The following FAM222B variants were observed in gnomAD, a reference collection of about 807,000 sequenced individuals.
FAM222B encodes the protein protein FAM222B.
Under a neutral mutation model 38.0 loss-of-function variants are expected in FAM222B, and 12 were observed. That is an observed-to-expected ratio of 0.32 (90% confidence interval 0.20 to 0.51). The LOEUF (loss-of-function observed/expected upper bound fraction) is 0.51. Ranked by LOEUF, FAM222B falls within the 20% of genes least tolerant of loss-of-function variation. The pLI, the probability that FAM222B is intolerant of heterozygous loss-of-function variation, is 0.97. For missense variants in FAM222B, 716 were observed against 754.2 expected (o/e 0.95, Z 0.59); for synonymous variants, 329 against 317.2 (o/e 1.04, Z -0.40).
intron 1 of FAM222B, among the ~76,000 whole-genome samples, chr17:28,776,079 A>C (rs2035881818): frequency 6.7e-6 from 1 of 148,324 alleles, no homozygotes; most frequent in African/African-American, 2.6e-5. Flanking sequence ...TTGTCTCAAA[A>C]AAAAAAAAAG....
At chr17:28,840,359 CTG>C (rs1471366322) in intron 1 of FAM222B, among the ~76,000 whole-genome samples, 3 of 152,106 alleles carry the variant, frequency 2.0e-5, no homozygotes, top group African/African-American at 4.8e-5. Flanking sequence ...GAACAAGACT[CTG>C]TGTCAAAACA....
At chr17:28,809,766 G>C (rs1030627108) in intron 1 of FAM222B, among the ~76,000 whole-genome samples, 1 of 152,008 alleles carries the variant, frequency 6.6e-6, no homozygotes, top group African/African-American at 2.4e-5. Context: ...TTGAGGCCAG[G>C]AGTTTGAGAC....
chr17:28,775,969 G>T (rs1450843411), intron 1 of FAM222B, among the ~76,000 whole-genome samples: 1 of 151,828 alleles, frequency 6.6e-6, no homozygotes, highest in East Asian at 1.9e-4. Context: ...CCAGCTACTT[G>T]GGAGGCTGAG....
At chr17:28,789,673 A>G (rs1444678096) in intron 1 of FAM222B, among the ~76,000 whole-genome samples, 1 of 152,218 alleles carries the variant, frequency 6.6e-6, no homozygotes, top group Non-Finnish European at 1.5e-5. Context: ...GAGCCCCAAC[A>G]GGGCCTACTC....
intron 1 of FAM222B, among the ~76,000 whole-genome samples, chr17:28,831,996 T>C (rs1408795664): frequency 1.3e-5 from 2 of 152,126 alleles, no homozygotes; most frequent in East Asian, 3.9e-4. Context: ...GAGACCATCC[T>C]GGCTAACACG....
chr17:28,807,378 GTTTT>G (rs1163212755), intron 1 of FAM222B, among the ~76,000 whole-genome samples: 2 of 150,948 alleles, frequency 1.3e-5, no homozygotes, highest in African/African-American at 2.4e-5. Context: ...TTGTGTGTGT[GTTTT>G]TTTGTTTGTT....
chr17:28,759,295 G>A lies in FAM222B; in HGVS notation c.664C>T (p.Pro222Ser). ...QALAHQGLQH[P>S]HNPLLHGGRK... ...CCTCCATGCAGCAAGGGATTGTGGG[G>A]GTGCTGGAGACCCTGGTGAGCCAGG... The change falls in exon 3 of 3, where the codon CCC becomes TCC. Residue 222 changes from proline (P) to serine (S), a missense_variant. Transcript: ENST00000581407. The surrounding 1 kb of genome is among the most constrained non-coding windows in gnomAD (Gnocchi z 4.8). The A allele has an allele frequency of 6.2e-7, 1 of 1,612,666 alleles. No individual in the cohort carries two copies. Among genetic ancestry groups the A allele is most frequent in the Non-Finnish European group, 8.5e-7 (1 of 1,179,456 alleles).
In FAM222B at chr17:28,834,500, A is replaced by C. The variant is rs563269360; in HGVS notation, c.-41+8182T>G. Among the ~76,000 whole-genome samples the C allele has an allele frequency of 3.9e-5, 6 of 152,272 alleles. No homozygotes were observed. The South Asian group carries it at 1.0e-3, about 26-fold the overall frequency. On this transcript the variant is annotated intron_variant, in intron 1 of 2. Transcript: ENST00000581407. The stretch of plus-strand genomic sequence containing the variant: ...TATCTTTGTACAAGCTATTTTCTGC[A>C]CTTCAAACAGTAACTTTTCCAATCC...
intron 1 of FAM222B, among the ~76,000 whole-genome samples, chr17:28,790,966 T>C (rs534538194): frequency 7.2e-6 from 1 of 137,988 alleles, no homozygotes; most frequent in Non-Finnish European, 1.5e-5. Context: ...TGGCGAGATC[T>C]TGGCTCACTG....
intron 1 of FAM222B, among the ~76,000 whole-genome samples, chr17:28,790,903 T>A (rs1256387339): frequency 5.1e-5 from 6 of 116,736 alleles, no homozygotes; most frequent in Middle Eastern, 7.9e-3. Context: ...TTTTTTTTTT[T>A]TTTTTTTTTT....
chr17:28,843,138 CT>C (rs1354572041), upstream of FAM222B, among the ~76,000 whole-genome samples: 457 of 80,222 alleles, frequency 5.7e-3, 1 homozygote, highest in Admixed American at 0.012. Context: ...AAATTTGGGT[CT>C]TTTTTTTTTT....
intron 1 of FAM222B, among the ~76,000 whole-genome samples, chr17:28,825,433 C>CAAAA (rs935599439): frequency 2.4e-5 from 1 of 41,288 alleles, no homozygotes; most frequent in African/African-American, 8.3e-5. Context: ...GATCCCGTCT[C>CAAAA]AAAAAAAAAA....
intron 1 of FAM222B, chr17:28,849,500 T>G (rs1246873683): frequency 2.6e-5 from 4 of 152,544 alleles, no homozygotes; most frequent in Non-Finnish European, 5.9e-5. Context: ...TTGCCCATTC[T>G]GGCCCCCCTT....
chr17:28,796,813 A>G (rs916778939), intron 1 of FAM222B, among the ~76,000 whole-genome samples: 1 of 152,094 alleles, frequency 6.6e-6, no homozygotes, highest in Admixed American at 6.6e-5. Context: ...TGGTTAGTAC[A>G]CTGCCTATGC....
chr17:28,758,792 T>C lies in FAM222B; in HGVS notation c.1167A>G (p.Thr389=). 1 of 1,577,876 alleles carries C rather than the reference T, an allele frequency of 6.3e-7. No homozygotes were observed. Among genetic ancestry groups the C allele is most frequent in the South Asian group, 1.1e-5 (1 of 87,002 alleles). The change falls in exon 3 of 3, where the codon ACA becomes ACG. Residue 389 remains threonine, a synonymous_variant. Transcript: ENST00000581407. The part of the protein sequence containing the change: ...EASGTPAPGL[T]GKHAAGRELA... ...ACTCGCGTCCTGCCGCATGCTTGCCTGTCAGGCCAGGGGCTGGCGTCCCAC... is the reference window on the plus strand; with the variant it reads ...ACTCGCGTCCTGCCGCATGCTTGCCCGTCAGGCCAGGGGCTGGCGTCCCAC...
At chr17:28,848,405 A>G (rs1387037492) in intron 1 of FAM222B, among the ~76,000 whole-genome samples, 2 of 151,992 alleles carry the variant, frequency 1.3e-5, no homozygotes, top group African/African-American at 4.8e-5. Flanking sequence ...GGATAACTAT[A>G]TTGTATATAA....
chr17:28,767,425 CG>C (rs953765584), intron 1 of FAM222B, among the ~76,000 whole-genome samples: 50 of 149,936 alleles, frequency 3.3e-4, no homozygotes, highest in African/African-American at 1.2e-3. Flanking sequence ...CCCAAAGTGC[CG>C]GGATTACAGG....
At chr17:28,782,134 G>A (rs1942428232) in intron 1 of FAM222B, among the ~76,000 whole-genome samples, 1 of 152,064 alleles carries the variant, frequency 6.6e-6, no homozygotes, top group Admixed American at 6.6e-5. Context: ...AGACCAGCCA[G>A]GACAACACAG....
chr17:28,829,066 C>T (rs375992534), intron 1 of FAM222B, among the ~76,000 whole-genome samples: 33 of 151,548 alleles, frequency 2.2e-4, no homozygotes, highest in East Asian at 1.6e-3. Context: ...CCACCATGCC[C>T]GGCTAATTTT....
Sources: allele counts gnomAD v4.1 joint callset (sites outside exome capture counted in the v4.1 genomes callset), GRCh38; gene constraint gnomAD v4.1.1; non-coding constraint Gnocchi (gnomAD v3.1); transcripts MANE v1.5; gene names NCBI Gene and HGNC (gene_info 2026-07-23, HGNC 2026-07-21).